The following DPYD variants were observed in gnomAD, a reference collection of about 807,000 sequenced individuals.
The protein encoded by DPYD is dihydropyrimidine dehydrogenase [NADP(+)].
A neutral mutation model predicts 116.2 loss-of-function variants in DPYD; 109 were observed. The observed-to-expected ratio is 0.94, with a 90% CI of 0.80 to 1.10. The LOEUF is 1.10. Among genes scored for constraint, DPYD ranks in the 50% least tolerant of loss-of-function variants. The probability of loss-of-function intolerance (pLI) is 0.00; values close to 1 mark genes in which losing one functional copy is unlikely to be tolerated. For missense variants in DPYD, 1,302 were observed against 1,254.5 expected (o/e 1.04, Z -0.57); for synonymous variants, 440 against 432.0 (o/e 1.02, Z -0.23).
chr1:97,160,526 G>A (rs1655812884), intron 20 of DPYD, among the ~76,000 whole-genome samples: 2 of 152,076 alleles, frequency 1.3e-5, no homozygotes, highest in Non-Finnish European at 2.9e-5. Context: ...GTTCGATGAT[G>A]AGAGATAAGC....
intron 14 of DPYD, among the ~76,000 whole-genome samples, chr1:97,431,849 C>A (rs1030799281): frequency 6.6e-6 from 1 of 152,028 alleles, no homozygotes; most frequent in Non-Finnish European, 1.5e-5. Context: ...TCTCTCTTTA[C>A]CCTTCCCCTT....
chr1:97,444,137 T>C (rs1275449569), intron 14 of DPYD, among the ~76,000 whole-genome samples: 3 of 152,188 alleles, frequency 2.0e-5, no homozygotes, highest in African/African-American at 4.8e-5. Flanking sequence ...AGCAAAACAA[T>C]GCTTGGCTGA....
chr1:97,446,577 T>C (rs1356436335), intron 14 of DPYD, among the ~76,000 whole-genome samples: 1 of 152,168 alleles, frequency 6.6e-6, no homozygotes, highest in Admixed American at 6.5e-5. Context: ...TCCTTATTAA[T>C]TTCTCTAACA....
chr1:97,285,876 C>A (rs1224174338), intron 18 of DPYD, among the ~76,000 whole-genome samples: 1 of 152,064 alleles, frequency 6.6e-6, no homozygotes, highest in African/African-American at 2.4e-5. Flanking sequence ...AGTGTCCAAT[C>A]ACAAACCTAA....
chr1:97,631,121 G>A (rs1390619127), intron 8 of DPYD, among the ~76,000 whole-genome samples: 10 of 152,186 alleles, frequency 6.6e-5, no homozygotes, highest in East Asian at 5.8e-4. Flanking sequence ...GGGCTATGGC[G>A]TCTCAACAGG....
At chr1:97,612,370 T>C (rs116333436) in intron 8 of DPYD, among the ~76,000 whole-genome samples, 1,993 of 152,060 alleles carry the variant, frequency 0.013, 23 homozygotes, top group Middle Eastern at 0.024. Context: ...CACAAGTGGG[T>C]CTAAAATACT....
intron 2 of DPYD, among the ~76,000 whole-genome samples, chr1:97,835,915 C>A (rs75154502): frequency 0.027 from 4,067 of 152,194 alleles, 68 homozygotes; most frequent in Non-Finnish European, 0.042. Flanking sequence ...ACCAGGGAAG[C>A]CTGCTCACCT....
chr1:97,729,229 C>T (rs72734017), intron 4 of DPYD, among the ~76,000 whole-genome samples: 3,311 of 152,166 alleles, frequency 0.022, 47 homozygotes, highest in Middle Eastern at 0.034. Flanking sequence ...CACACGTACA[C>T]GAGCTTTGAA....
rs536094726 is a variant in DPYD at position 97,699,137 on chromosome 1, A to C, written c.680+214T>G. ...CAGAGATTTCTCTTAAATTCACAGA[A>C]CTAGAGAGAAAATTTTTTAAATAAA... On this transcript the variant is annotated intron_variant, in intron 6 of 22. Transcript: ENST00000370192. Among the ~76,000 whole-genome samples the C allele has an allele frequency of 4.6e-5, 7 of 152,212 alleles. No homozygotes were observed. The East Asian group carries it at 1.3e-3, about 29-fold the overall frequency.
At chr1:97,909,082 C>T (rs79215295) in intron 1 of DPYD, among the ~76,000 whole-genome samples, 4,983 of 152,166 alleles carry the variant, frequency 0.033, 128 homozygotes, top group Middle Eastern at 0.068. Flanking sequence ...TCCTACTATA[C>T]TTATTATTTT....
intron 13 of DPYD, among the ~76,000 whole-genome samples, chr1:97,457,485 G>A (rs1264830384): frequency 2.0e-5 from 3 of 152,174 alleles, no homozygotes; most frequent in African/African-American, 7.2e-5. Flanking sequence ...CACTAAAAGT[G>A]GTTTGTTTTG....
chr1:97,704,881 G>A (rs942689339), intron 5 of DPYD, among the ~76,000 whole-genome samples: 1 of 151,964 alleles, frequency 6.6e-6, no homozygotes, highest in Admixed American at 6.6e-5. Flanking sequence ...TATCAGAAGA[G>A]AGTGACTGAA....
intron 19 of DPYD, among the ~76,000 whole-genome samples, chr1:97,230,907 G>T (rs1409216002): frequency 1.3e-5 from 2 of 152,080 alleles, no homozygotes; most frequent in Admixed American, 6.6e-5. Context: ...CCAGTTCCAG[G>T]GTCCTTTCAT....
intron 12 of DPYD, among the ~76,000 whole-genome samples, chr1:97,535,694 C>T (rs939188822): frequency 2.6e-5 from 4 of 152,102 alleles, no homozygotes; most frequent in African/African-American, 7.2e-5. Flanking sequence ...ATTAAAATTA[C>T]TTATTAGTCA....
chr1:97,515,942 C>T lies in DPYD; in HGVS notation c.1525-1G>A, dbSNP rs766535034. ...CAGAAACGGAAGCTCCATATTGTGACTGCAAAATACAAACCAATACTTGGT... is the reference window on the plus strand; with the variant it reads ...CAGAAACGGAAGCTCCATATTGTGATTGCAAAATACAAACCAATACTTGGT... On this transcript the variant is annotated splice_acceptor_variant, in intron 12 of 22. Coordinates refer to ENST00000370192, the MANE Select transcript of DPYD (RefSeq NM_000110.4). LOFTEE classifies it high-confidence loss of function. 15 of 1,611,820 alleles carry T rather than the reference C, an allele frequency of 9.3e-6. No individual in the cohort carries two copies. The highest frequency in any genetic ancestry group is 1.3e-5 in the Non-Finnish European group (15 of 1,178,576).
At chr1:97,606,260 G>C (rs1447169997) in intron 8 of DPYD, among the ~76,000 whole-genome samples, 1 of 151,964 alleles carries the variant, frequency 6.6e-6, no homozygotes, top group African/African-American at 2.4e-5. Flanking sequence ...ACATAGATGA[G>C]TACCTACTAT....
intron 13 of DPYD, among the ~76,000 whole-genome samples, chr1:97,475,455 G>A (rs1677905082): frequency 6.6e-6 from 1 of 152,128 alleles, no homozygotes; most frequent in Non-Finnish European, 1.5e-5. Context: ...ACAAATTAAT[G>A]AGTAAAAGAA....
intron 16 of DPYD, among the ~76,000 whole-genome samples, chr1:97,361,487 C>A (rs561477160): frequency 1.6e-4 from 25 of 152,262 alleles, no homozygotes; most frequent in African/African-American, 5.8e-4. Flanking sequence ...CAAAGCCTGG[C>A]AGAGACACAA....
At chr1:97,747,959 G>GT (rs1298814326) in intron 3 of DPYD, among the ~76,000 whole-genome samples, 14 of 152,110 alleles carry the variant, frequency 9.2e-5, no homozygotes, top group African/African-American at 3.4e-4. Flanking sequence ...CATTTCTTTA[G>GT]TAACTTAACA....
Sources: allele counts gnomAD v4.1 joint callset (sites outside exome capture counted in the v4.1 genomes callset), GRCh38; gene constraint gnomAD v4.1.1; transcripts MANE v1.5; gene names NCBI Gene and HGNC (gene_info 2026-07-23, HGNC 2026-07-21).